Variants in LPP observed in about 807,000 individuals in gnomAD.
LPP encodes the protein lipoma-preferred partner.
Under a neutral mutation model 60.4 loss-of-function variants are expected in LPP, and 38 were observed. The ratio of observed to expected loss-of-function variants is 0.63; its 90% CI spans 0.49 to 0.83. LPP has a LOEUF of 0.83. LPP is among the 40% of genes least tolerant of loss of function. LPP has a pLI of 0.00. For missense variants in LPP, 902 were observed against 783.6 expected (o/e 1.15, Z -1.80); for synonymous variants, 328 against 290.8 (o/e 1.13, Z -1.30).
At chr3:188,705,692 G>T (rs1865350357) in intron 7 of LPP, among the ~76,000 whole-genome samples, 1 of 151,854 alleles carries the variant, frequency 6.6e-6, no homozygotes, top group South Asian at 2.1e-4. Flanking sequence ...GCACGATCTT[G>T]GCTCAAACTG....
intron 8 of LPP, among the ~76,000 whole-genome samples, chr3:188,719,248 C>T (rs1340003748): frequency 6.6e-6 from 1 of 152,132 alleles, no homozygotes; most frequent in African/African-American, 2.4e-5. Context: ...TTCGTACCAC[C>T]ACAATTTTCT....
chr3:188,749,920 G>A (rs1247244958), intron 8 of LPP, among the ~76,000 whole-genome samples: 1 of 152,122 alleles, frequency 6.6e-6, no homozygotes, highest in Admixed American at 6.5e-5. Context: ...GTCACATATT[G>A]TTTTCATCCA....
rs560228159 is a variant in LPP, at chr3:188,234,013, G to T, written c.-67+8486G>T. Among the ~76,000 whole-genome samples the T allele has an allele frequency of 1.1e-4, 17 of 152,104 alleles. 1 individual carries two copies. The South Asian group carries it at 3.5e-3, about 32-fold the overall frequency. ...TCTTCTGCTAAAGGCATACTTCACTGGTTCCCACAAATAGCATCCTTCTGT... is the reference window on the plus strand; with the variant it reads ...TCTTCTGCTAAAGGCATACTTCACTTGTTCCCACAAATAGCATCCTTCTGT... On this transcript the variant is annotated intron_variant, in intron 2 of 11. Transcript: ENST00000617246.
At chr3:188,564,207 C>A (rs1323360328) in intron 6 of LPP, among the ~76,000 whole-genome samples, 1 of 151,968 alleles carries the variant, frequency 6.6e-6, no homozygotes, top group Non-Finnish European at 1.5e-5. Flanking sequence ...GGTCCAGAGT[C>A]AGGTCCACCT....
chr3:188,277,337 C>T (rs1740331766), intron 2 of LPP, among the ~76,000 whole-genome samples: 2 of 152,202 alleles, frequency 1.3e-5, no homozygotes, highest in African/African-American at 2.4e-5. Context: ...GCCCCAAAAG[C>T]CATAGCCTGG....
At chr3:188,203,602 TAA>T (rs1732273121) in intron 1 of LPP, among the ~76,000 whole-genome samples, 1 of 114,130 alleles carries the variant, frequency 8.8e-6, no homozygotes, top group South Asian at 2.3e-4. Flanking sequence ...TAAATATATA[TAA>T]ATATATATTT....
chr3:188,394,842 T>G (rs958516095), intron 3 of LPP, among the ~76,000 whole-genome samples: 1 of 152,090 alleles, frequency 6.6e-6, no homozygotes, highest in African/African-American at 2.4e-5. Flanking sequence ...AATCTTGAAA[T>G]AAAAGTGGAA....
chr3:188,543,696 C>T (rs1267472464), intron 6 of LPP, among the ~76,000 whole-genome samples: 1 of 152,138 alleles, frequency 6.6e-6, no homozygotes, highest in African/African-American at 2.4e-5. Flanking sequence ...AGTTTGATTA[C>T]AAGATGGAAG....
At chr3:188,504,445 T>C (rs1812864372) in intron 5 of LPP, among the ~76,000 whole-genome samples, 1 of 152,126 alleles carries the variant, frequency 6.6e-6, no homozygotes, top group Non-Finnish European at 1.5e-5. Flanking sequence ...TTTCTGTTGG[T>C]TTATATTTTT....
At chr3:188,529,610 A>C (rs534930710) in intron 6 of LPP, among the ~76,000 whole-genome samples, 128 of 152,300 alleles carry the variant, frequency 8.4e-4, no homozygotes, top group Non-Finnish European at 1.4e-3. Context: ...TATTCTAGGG[A>C]GTATTTTCCG....
At chr3:188,630,855 G>A (rs144911988) in intron 7 of LPP, among the ~76,000 whole-genome samples, 60 of 152,270 alleles carry the variant, frequency 3.9e-4, no homozygotes, top group Non-Finnish European at 7.4e-4. Flanking sequence ...TGAAAAGAGC[G>A]AGATCATGTC....
At chr3:188,288,636 G>A (rs1744833150) in intron 2 of LPP, among the ~76,000 whole-genome samples, 3 of 151,524 alleles carry the variant, frequency 2.0e-5, no homozygotes, top group South Asian at 2.1e-4. Flanking sequence ...ATACACATAC[G>A]TGCACACCTA....
At chr3:188,552,325 T>C (rs1009825227) in intron 6 of LPP, among the ~76,000 whole-genome samples, 25 of 152,134 alleles carry the variant, frequency 1.6e-4, no homozygotes, top group Non-Finnish European at 8.8e-5. Context: ...ATTACTGATT[T>C]AACTGTCATC....
intron 7 of LPP, among the ~76,000 whole-genome samples, chr3:188,686,133 A>T (rs895698748): frequency 2.0e-5 from 3 of 152,230 alleles, no homozygotes; most frequent in African/African-American, 7.2e-5. Context: ...ATTTTTAAAT[A>T]TTAATAATTC....
At chr3:188,230,522 G>A (rs13086998) in intron 2 of LPP, among the ~76,000 whole-genome samples, 73,256 of 151,842 alleles carry the variant, frequency 0.48, 18,321 homozygotes, top group Middle Eastern at 0.57. Flanking sequence ...AGTGGCTTAT[G>A]CCTGTAATCC....
chr3:188,223,236 T>C (rs1234455124), intron 1 of LPP, among the ~76,000 whole-genome samples: 1 of 152,208 alleles, frequency 6.6e-6, no homozygotes, highest in Non-Finnish European at 1.5e-5. Context: ...TCTGATACTT[T>C]TCAATCTTTA....
chr3:188,241,096 A>G (rs1724521673), intron 2 of LPP, among the ~76,000 whole-genome samples: 1 of 152,236 alleles, frequency 6.6e-6, no homozygotes, highest in Admixed American at 6.5e-5. Flanking sequence ...GGGAAGTGTC[A>G]ATAGAGGGTT....
At chr3:188,763,093 A>T (rs1355720) in intron 9 of LPP, among the ~76,000 whole-genome samples, 1 of 152,074 alleles carries the variant, frequency 6.6e-6, no homozygotes, top group Non-Finnish European at 1.5e-5. Flanking sequence ...TCCTAGAACT[A>T]TGCGTCTCTC....
At position 188,237,878 on chromosome 3, in the gene LPP, CAA is replaced by C. The variant is rs111293631; in HGVS notation, c.-67+12352_-67+12353del. Among the ~76,000 whole-genome samples, 10 of 152,340 alleles carry C rather than the reference CAA, an allele frequency of 6.6e-5. 1 individual carries two copies. Among genetic ancestry groups the C allele is most frequent in the African/African-American group, 2.4e-4 (10 of 41,586 alleles). On this transcript the variant is annotated intron_variant, in intron 2 of 11. Coordinates refer to ENST00000617246, the MANE Select transcript of LPP (RefSeq NM_001375462.1). Reference sequence around the variant, plus strand: ...AGTCACCAGCCACATTAGCCTCTAACAAGAGAGTTACCCTGTCCTTTGAAGCT... The same window carrying C: ...AGTCACCAGCCACATTAGCCTCTAACGAGAGTTACCCTGTCCTTTGAAGCT...
Sources: gnomAD v4.1 joint callset for allele counts (sites outside exome capture counted in the v4.1 genomes callset) on GRCh38, gnomAD v4.1.1 for gene constraint, MANE v1.5 for transcripts, NCBI Gene and HGNC (gene_info 2026-07-23, HGNC 2026-07-21) for gene names.